The following ARHGAP15 variants were observed in gnomAD, a reference collection of about 807,000 sequenced individuals.
ARHGAP15 encodes the protein rho GTPase-activating protein 15.
A neutral mutation model predicts 63.7 loss-of-function variants in ARHGAP15; 51 were observed. The observed-to-expected ratio is 0.80, with a 90% confidence interval of 0.64 to 1.01. The LOEUF (loss-of-function observed/expected upper bound fraction) is 1.01. Among genes scored for constraint, ARHGAP15 ranks in the 50% least tolerant of loss-of-function variants. ARHGAP15 has a pLI of 0.00. For missense variants in ARHGAP15, 560 were observed against 564.6 expected, an observed-to-expected ratio of 0.99 and a Z score of 0.08; for synonymous variants, 191 against 193.8, an observed-to-expected ratio of 0.99 and a Z score of 0.12.
At chr2:143,751,210 A>G (rs1574927089) in intron 13 of ARHGAP15, among the ~76,000 whole-genome samples, 1 of 152,234 alleles carries the variant, frequency 6.6e-6, no homozygotes, top group Non-Finnish European at 1.5e-5. Flanking sequence ...TCCAGGGCCC[A>G]TCACAGTTGT....
intron 11 of ARHGAP15, among the ~76,000 whole-genome samples, chr2:143,562,647 C>T (rs1215156595): frequency 6.6e-6 from 1 of 152,148 alleles, no homozygotes. Flanking sequence ...GAAAAGATCA[C>T]TTGATCATAA....
At chr2:143,379,016 G>GT (rs1686936461) in intron 6 of ARHGAP15, among the ~76,000 whole-genome samples, 1 of 151,284 alleles carries the variant, frequency 6.6e-6, no homozygotes, top group African/African-American at 2.4e-5. Context: ...AGTTTTAAAG[G>GT]TTTGAACCAT....
intron 6 of ARHGAP15, among the ~76,000 whole-genome samples, chr2:143,392,813 T>C (rs1410852933): frequency 1.3e-5 from 2 of 152,194 alleles, no homozygotes; most frequent in Admixed American, 1.3e-4. Context: ...GGGTGACTGG[T>C]CTAGTTTTCA....
chr2:143,456,360 T>C (rs1401275064), intron 8 of ARHGAP15, among the ~76,000 whole-genome samples: 2 of 152,112 alleles, frequency 1.3e-5, no homozygotes, highest in Non-Finnish European at 2.9e-5. Context: ...AGAGAAATAT[T>C]TAGAATCATT....
chr2:143,188,038 A>G (rs1341007240), intron 2 of ARHGAP15, among the ~76,000 whole-genome samples: 1 of 152,048 alleles, frequency 6.6e-6, no homozygotes, highest in Non-Finnish European at 1.5e-5. Context: ...TGCCTTCAAC[A>G]GCTTTGTTTT....
At chr2:143,456,909 C>CA (rs1690685178) in intron 8 of ARHGAP15, among the ~76,000 whole-genome samples, 1 of 151,574 alleles carries the variant, frequency 6.6e-6, no homozygotes, top group African/African-American at 2.4e-5. Flanking sequence ...GGCATATTGA[C>CA]AGATGGAAAA....
At position 143,318,509 on chromosome 2, in the gene ARHGAP15, C is replaced by CTTTT. The variant is rs535910161; in HGVS notation, c.474+67932_474+67935dup. On this transcript the variant is annotated intron_variant, in intron 6 of 13. Coordinates refer to ENST00000295095, the MANE Select transcript of ARHGAP15 (RefSeq NM_018460.4). ...ATCACTTCACTTCCAGATTAAGGGC[C>CTTTT]TTTTTTTTTTTTTTTTTTTTTTTTT... 7.7e-3 allele frequency among the ~76,000 whole-genome samples: 429 copies of CTTTT among 55,626 alleles called. 81 individuals are homozygous for CTTTT. Among genetic ancestry groups the CTTTT allele is most frequent in the African/African-American group, 0.014 (207 of 14,626 alleles). 36.5% of individuals were successfully genotyped at this position (55,626 alleles called of 152,430 possible). A position where few individuals can be genotyped will look rare whatever the true frequency, so the allele number is the denominator to read the frequency against.
intron 6 of ARHGAP15, among the ~76,000 whole-genome samples, chr2:143,334,123 A>G (rs988936632): frequency 1.8e-4 from 28 of 152,176 alleles, no homozygotes; most frequent in Non-Finnish European, 3.5e-4. Flanking sequence ...CCCCTTGTAC[A>G]TTTGCAGTAT....
At chr2:143,707,848 G>C (rs1024979422) in intron 13 of ARHGAP15, among the ~76,000 whole-genome samples, 1 of 152,206 alleles carries the variant, frequency 6.6e-6, no homozygotes, top group African/African-American at 2.4e-5. Context: ...TAAAATCAGA[G>C]ATACAGTCTT....
chr2:143,139,374 C>T (rs147868639), intron 1 of ARHGAP15, among the ~76,000 whole-genome samples: 73 of 152,196 alleles, frequency 4.8e-4, no homozygotes, highest in African/African-American at 1.7e-3. Flanking sequence ...TCCGTTTGCA[C>T]GTATCATCAT....
At chr2:143,389,339 A>G (rs1026102840) in intron 6 of ARHGAP15, among the ~76,000 whole-genome samples, 1 of 152,104 alleles carries the variant, frequency 6.6e-6, no homozygotes, top group Non-Finnish European at 1.5e-5. Context: ...TGTTACATTC[A>G]TGAATTCACT....
chr2:143,300,132 T>TG (rs1191878740), intron 6 of ARHGAP15, among the ~76,000 whole-genome samples: 1 of 152,002 alleles, frequency 6.6e-6, no homozygotes, highest in African/African-American at 2.4e-5. Flanking sequence ...GCATAAAGTC[T>TG]GGGAACGTCC....
At chr2:143,280,886 G>C (rs1681807848) in intron 6 of ARHGAP15, among the ~76,000 whole-genome samples, 1 of 152,036 alleles carries the variant, frequency 6.6e-6, no homozygotes, top group Non-Finnish European at 1.5e-5. Context: ...AGTATCTATA[G>C]TTTTAGATAC....
In ARHGAP15 at chr2:143,136,045, G is replaced by C. The variant is rs183450346; in HGVS notation, c.-15+6579G>C. On this transcript the variant is annotated intron_variant, in intron 1 of 13. Coordinates refer to ENST00000295095, the MANE Select transcript of ARHGAP15 (RefSeq NM_018460.4). ...ACTCAAAGCAAATCTCCTAATTACTGCCCACCTGTCCCCCAACCCAGCCTG... is the reference window on the plus strand; with the variant it reads ...ACTCAAAGCAAATCTCCTAATTACTCCCCACCTGTCCCCCAACCCAGCCTG... 1.1e-3 allele frequency among the ~76,000 whole-genome samples: 172 copies of C among 151,990 alleles called. 1 individual carries two copies. The highest frequency in any genetic ancestry group is 4.0e-3 in the African/African-American group (165 of 41,472).
intron 2 of ARHGAP15, among the ~76,000 whole-genome samples, chr2:143,195,229 G>C (rs1372576514): frequency 6.6e-6 from 1 of 151,742 alleles, no homozygotes; most frequent in Non-Finnish European, 1.5e-5. Flanking sequence ...AAAAAAAAAA[G>C]AGAGAATATT....
chr2:143,178,244 G>A (rs1388033005), intron 2 of ARHGAP15, among the ~76,000 whole-genome samples: 1 of 152,004 alleles, frequency 6.6e-6, no homozygotes, highest in African/African-American at 2.4e-5. Context: ...GTTTCTAGAG[G>A]GCAGAGACTA....
intron 10 of ARHGAP15, among the ~76,000 whole-genome samples, chr2:143,550,845 A>G (rs907251688): frequency 3.3e-5 from 5 of 152,238 alleles, no homozygotes; most frequent in African/African-American, 9.6e-5. Context: ...GTTATAAAAA[A>G]CAAAATGTCC....
intron 6 of ARHGAP15, among the ~76,000 whole-genome samples, chr2:143,272,892 TTTTAAA>T (rs1159866956): frequency 2.0e-5 from 3 of 152,210 alleles, no homozygotes; most frequent in Non-Finnish European, 2.9e-5. Flanking sequence ...ATTGGATGTG[TTTTAAA>T]TTTAAATTTA....
At chr2:143,301,741 T>C (rs1378006944) in intron 6 of ARHGAP15, among the ~76,000 whole-genome samples, 1 of 151,850 alleles carries the variant, frequency 6.6e-6, no homozygotes, top group Non-Finnish European at 1.5e-5. Context: ...ATGTGTATAA[T>C]ACATCTGTCC....
Sources: allele counts gnomAD v4.1 joint callset (sites outside exome capture counted in the v4.1 genomes callset), GRCh38; gene constraint gnomAD v4.1.1; transcripts MANE v1.5; gene names NCBI Gene and HGNC (gene_info 2026-07-23, HGNC 2026-07-21).